The following ZNF91 variants were observed in gnomAD, a reference collection of about 807,000 sequenced individuals.
The protein encoded by ZNF91 is zinc finger protein 91.
ZNF91 carries 7 observed loss-of-function variants against 12.6 expected under a neutral mutation model. The observed-to-expected ratio is 0.55, with a 90% CI of 0.31 to 1.04. The LOEUF (loss-of-function observed/expected upper bound fraction) is 1.04. Among genes scored for constraint, ZNF91 ranks in the 50% least tolerant of loss-of-function variants. ZNF91 has a pLI of 0.05. For missense variants in ZNF91, 1,217 were observed against 1,385.4 expected (o/e 0.88, Z 1.93); for synonymous variants, 453 against 462.6 (o/e 0.98, Z 0.27).
intron 3 of ZNF91, chr19:23,342,256 AC>A (rs1968140462): frequency 2.1e-6 from 1 of 482,620 alleles, no homozygotes; most frequent in South Asian, 3.7e-5. Flanking sequence ...AGAGTTAGAG[AC>A]AGCAAGGCCT....
intron 1 of ZNF91, among the ~76,000 whole-genome samples, chr19:23,330,561 G>T (rs943926829): frequency 6.6e-6 from 1 of 152,006 alleles, no homozygotes; most frequent in African/African-American, 2.4e-5. Flanking sequence ...TTCCCATTTT[G>T]GGGAGAATAT....
chr19:23,346,694 C>T (rs1452899435), intron 3 of ZNF91, among the ~76,000 whole-genome samples: 1 of 152,156 alleles, frequency 6.6e-6, no homozygotes, highest in Non-Finnish European at 1.5e-5. Context: ...GCCTACCTCT[C>T]TAAACTGCTT....
At chr19:23,394,866 C>G (rs1316248026) in intron 1 of ZNF91, among the ~76,000 whole-genome samples, 1 of 152,160 alleles carries the variant, frequency 6.6e-6, no homozygotes, top group African/African-American at 2.4e-5. Flanking sequence ...GCTGGGTGCT[C>G]TACAATGTTT....
At chr19:23,373,089 C>T (rs1461373498) in intron 3 of ZNF91, among the ~76,000 whole-genome samples, 11 of 152,186 alleles carry the variant, frequency 7.2e-5, no homozygotes, top group African/African-American at 2.6e-4. Context: ...CACTACAAAC[C>T]CAGATGACAT....
At chr19:23,319,671 G>A (rs1453293918) in intron 1 of ZNF91, among the ~76,000 whole-genome samples, 1 of 152,182 alleles carries the variant, frequency 6.6e-6, no homozygotes, top group East Asian at 1.9e-4. Context: ...GCGACAAGGT[G>A]GTGAGGCTCT....
chr19:23,350,240 G>T (rs1332894839), intron 3 of ZNF91, among the ~76,000 whole-genome samples: 1 of 152,114 alleles, frequency 6.6e-6, no homozygotes, highest in Non-Finnish European at 1.5e-5. Context: ...CAGAAGAGAA[G>T]CCCATGTGCC....
At chr19:23,354,083 T>C (rs1294646041), downstream of ZNF91, among the ~76,000 whole-genome samples, 4 of 152,114 alleles carry the variant, frequency 2.6e-5, no homozygotes, top group South Asian at 2.1e-4. Flanking sequence ...CCCTCCCTAA[T>C]TCATTCTATG....
In ZNF91 at chr19:23,395,312, C is replaced by T; in HGVS notation, c.30+13G>A. On this transcript the variant is annotated intron_variant, in intron 1 of 3. Coordinates refer to ENST00000300619, the MANE Select transcript of ZNF91 (RefSeq NM_003430.4). ...CGTTCCCTCTCTCGGGACGTCGCAC[C>T]TGGCAGTCTCACCATTTCTAGGCTT... is the stretch of plus-strand genomic sequence containing the variant. 6.2e-7 allele frequency: 1 copy of T among 1,613,518 alleles called. No homozygotes were observed. The highest frequency in any genetic ancestry group is 8.5e-7 in the Non-Finnish European group (1 of 1,179,726).
intron 3 of ZNF91, among the ~76,000 whole-genome samples, chr19:23,350,018 G>T (rs928280962): frequency 1.3e-5 from 2 of 152,124 alleles, no homozygotes; most frequent in African/African-American, 4.8e-5. Context: ...ACTACAGGGG[G>T]TTCTAGAGAT....
chr19:23,306,297 C>T (rs567557940), intron 3 of ZNF91, among the ~76,000 whole-genome samples: 9 of 152,318 alleles, frequency 5.9e-5, no homozygotes, highest in Admixed American at 2.0e-4. Context: ...ATTGGACCTT[C>T]CTGCAGGTGT....
At position 23,322,658 on chromosome 19, in the gene ZNF91, C is replaced by T. The variant is rs527504882; in HGVS notation, n.117-13561G>A. ...TGATAACTTTTTTCTCCTCCTCCTC[C>T]TTTTTCCTCCTTTCCATCTCCTCCA... On this transcript the variant is annotated intron_variant and non_coding_transcript_variant, in intron 1 of 1. Coordinates refer to the ZNF91 transcript ENST00000596528. Among the ~76,000 whole-genome samples the T allele has an allele frequency of 3.2e-4, 47 of 145,998 alleles. 1 individual carries two copies. The South Asian group carries it at 5.6e-3, about 17-fold the overall frequency.
chr19:23,339,001 G>C (rs546710006), exon 4 of ZNF91: 1 of 151,668 alleles, frequency 6.6e-6, no homozygotes, highest in Non-Finnish European at 1.5e-5. Context: ...GCAGTGAGCA[G>C]TGGGACGAGA....
chr19:23,323,554 CCTT>C (rs1005370054), intron 1 of ZNF91, among the ~76,000 whole-genome samples: 2 of 150,654 alleles, frequency 1.3e-5, no homozygotes, highest in Non-Finnish European at 3.0e-5. Context: ...CTCTCCTCTT[CCTT>C]TTTCCTTTTC....
At chr19:23,324,129 CTCCTCCTCTCG>C (rs1415710777) in intron 1 of ZNF91, 1 of 151,228 alleles carries the variant, frequency 6.6e-6, no homozygotes, top group Admixed American at 6.6e-5. Flanking sequence ...TCATCCTCTC[CTCCTCCTCTCG>C]TCCTCTTCTC....
At chr19:23,373,383 T>A (rs1047859872) in intron 3 of ZNF91, among the ~76,000 whole-genome samples, 10 of 69,770 alleles carry the variant, frequency 1.4e-4, no homozygotes, top group Admixed American at 6.1e-4. Context: ...TATATATATA[T>A]ATAAATAAAC....
chr19:23,372,272 T>G (rs376032425), intron 3 of ZNF91, among the ~76,000 whole-genome samples: 2 of 151,974 alleles, frequency 1.3e-5, no homozygotes, highest in Non-Finnish European at 2.9e-5. Flanking sequence ...GCAAGAAAAT[T>G]TGGCAGCCAT....
downstream of ZNF91, among the ~76,000 whole-genome samples, chr19:23,353,877 C>G (rs1422745576): frequency 6.6e-6 from 1 of 152,106 alleles, no homozygotes; most frequent in Admixed American, 6.5e-5. Flanking sequence ...AAAGATACAA[C>G]CCTCCTAGCT....
chr19:23,362,177 A>G lies in ZNF91; in HGVS notation c.802T>C (p.Cys268Arg). ...IICAKEKIYK[C>R]EECGKAFLWS... ...AGAAATGCTTTGCCACATTCTTCACACTTGTAGATTTTCTCTTTAGCACAG... is the reference window on the plus strand; with the variant it reads ...AGAAATGCTTTGCCACATTCTTCACGCTTGTAGATTTTCTCTTTAGCACAG... Residue 268 changes from cysteine (C) to arginine (R), a missense_variant, in exon 4 of 4, where the codon TGT becomes CGT. Transcript: ENST00000300619. 1 of 1,613,102 alleles carries G rather than the reference A, an allele frequency of 6.2e-7. No individual in the cohort carries two copies. Among genetic ancestry groups the G allele is most frequent in the Middle Eastern group, 1.7e-4 (1 of 6,056 alleles).
chr19:23,343,101 G>A (rs1224951061), intron 3 of ZNF91, among the ~76,000 whole-genome samples: 1 of 152,162 alleles, frequency 6.6e-6, no homozygotes, highest in African/African-American at 2.4e-5. Flanking sequence ...GTAGTTTTCT[G>A]AATAATACAG....
Sources: allele counts gnomAD v4.1 joint callset (sites outside exome capture counted in the v4.1 genomes callset), GRCh38; gene constraint gnomAD v4.1.1; transcripts MANE v1.5; gene names NCBI Gene and HGNC (gene_info 2026-07-23, HGNC 2026-07-21).